NEB: variants seen among roughly 807,000 people sequenced by gnomAD.
The protein encoded by NEB is nebulin.
A neutral mutation model predicts 952.2 loss-of-function variants in NEB; 512 were observed. The observed-to-expected ratio is 0.54, with a 90% CI of 0.50 to 0.58. The LOEUF is 0.58. NEB is among the 20% of genes least tolerant of loss of function. The probability of loss-of-function intolerance (pLI) is 0.00; values close to 1 mark genes in which losing one functional copy is unlikely to be tolerated. For synonymous variants in NEB, 2,900 were observed against 3,149.8 expected, an observed-to-expected ratio of 0.92 and a Z score of 2.66; for missense variants, 8,428 against 9,231.1, an observed-to-expected ratio of 0.91 and a Z score of 3.56.
rs1463146103 is a variant in NEB, at chr2:151,656,332, A to G, written c.6316T>C (p.Tyr2106His). ...TGGTAGCTGGTCTTTGTGTTCTCAT[A>G]GTTTTTCTTGTACTCCCGATCAGAT... ...MQSDREYKKN[Y>H]ENTKTSYHTP... The change falls in exon 49 of 182, where the codon TAT (tyrosine) becomes CAT (histidine). Residue 2106 changes from tyrosine to histidine, a missense_variant. Physicochemically the swap from Tyr to His is moderately conservative, Grantham distance 83. This residue lies in a region of NEB where 2,851 missense variants were observed against 2,791.5 expected (regional missense o/e 1.02). Transcript: ENST00000397345. The G allele has an allele frequency of 2.5e-6, 4 of 1,613,570 alleles. No individual in the cohort carries two copies. Among genetic ancestry groups the G allele is most frequent in the Non-Finnish European group, 3.4e-6 (4 of 1,179,708 alleles).
intron 135 of NEB, among the ~76,000 whole-genome samples, chr2:151,544,439 C>T: frequency 6.6e-6 from 1 of 151,950 alleles, no homozygotes; most frequent in Non-Finnish European, 1.5e-5. Context: ...GTATAGATGC[C>T]CAGACACGGA....
chr2:151,578,854 G>C (rs970606179), intron 105 of NEB, among the ~76,000 whole-genome samples: 2 of 151,960 alleles, frequency 1.3e-5, no homozygotes, highest in Admixed American at 1.3e-4. Context: ...GGCTGAGACG[G>C]GTGGATCACC....
intron 166 of NEB, 183 bp downstream of exon 166, chr2:151,503,166 G>A: frequency 1.7e-6 from 1 of 601,554 alleles, no homozygotes. Context: ...CACTGAAAAT[G>A]TTCAAGTATA....
chr2:151,572,871 TAA>T (rs543483258), intron 107 of NEB, among the ~76,000 whole-genome samples: 44 of 86,558 alleles, frequency 5.1e-4, no homozygotes, highest in Admixed American at 5.0e-4. Context: ...TATTTTTAAC[TAA>T]AAAAAAAAAA....
chr2:151,692,126 T>C lies in NEB; in HGVS notation c.2039A>G (p.His680Arg), dbSNP rs2099556089. The change falls in exon 22 of 182, where the codon CAT becomes CGT. Residue 680 changes from histidine (H) to arginine (R), a missense_variant. By Grantham distance (29) the His-to-Arg change is conservative. Transcript: ENST00000397345. ...TGGGTCCTCCATGCTGCCTACATAA[T>C]GTCCCAAAACATCCTTTACATATAA... The part of the protein sequence containing the change: ...KDLYVKDVLG[H>R]YVGSMEDPYH... The C allele has an allele frequency of 6.2e-7, 1 of 1,613,994 alleles. No individual in the cohort carries two copies.
rs115607882 is a variant in NEB, at chr2:151,717,214, A to G, written c.822+202T>C. Among the ~76,000 whole-genome samples, 1,433 of 152,348 alleles carry G rather than the reference A, an allele frequency of 9.4e-3. 19 individuals are homozygous for G. Among genetic ancestry groups the G allele is most frequent in the Non-Finnish European group, 0.012 (841 of 68,036 alleles). On this transcript the variant is annotated intron_variant, in intron 10 of 181. Transcript: ENST00000397345. ...CACATTTATCAATTACTGAGTCATC[A>G]AGCTGGCTAAACATTTATTAACACA...
At chr2:151,533,208 GA>G (rs1417273828) in intron 143 of NEB, among the ~76,000 whole-genome samples, 1 of 152,180 alleles carries the variant, frequency 6.6e-6, no homozygotes, top group Non-Finnish European at 1.5e-5. Context: ...ACACTTGAAA[GA>G]ATCAGTTAAT....
chr2:151,554,692 GT>G (rs1350056471), intron 125 of NEB, among the ~76,000 whole-genome samples: 2 of 152,210 alleles, frequency 1.3e-5, no homozygotes, highest in Non-Finnish European at 2.9e-5. Flanking sequence ...ATAATGCTGA[GT>G]TTTTACTGTA....
At chr2:151,563,354 C>T (rs896564286) in intron 119 of NEB, among the ~76,000 whole-genome samples, 1 of 152,056 alleles carries the variant, frequency 6.6e-6, no homozygotes, top group Non-Finnish European at 1.5e-5. Context: ...TAAATAGTGA[C>T]CTTGATGCTT....
intron 36 of NEB, among the ~76,000 whole-genome samples, chr2:151,673,358 T>A (rs1291227857): frequency 6.6e-6 from 1 of 151,872 alleles, no homozygotes; most frequent in Non-Finnish European, 1.5e-5. Context: ...ATTTAAGCCT[T>A]AATTCATAAA....
In NEB at chr2:151,562,144, A is replaced by C; in HGVS notation, c.18962T>G (p.Leu6321Arg). The C allele has an allele frequency of 6.2e-7, 1 of 1,613,598 alleles. No individual in the cohort carries two copies. Among genetic ancestry groups the C allele is most frequent in the Non-Finnish European group, 8.5e-7 (1 of 1,179,602 alleles). ...AAGGTCGTATGATTTCTTGGCATGGAGGATTTGGGGTGTATCCCAAACGTA... is the reference window on the plus strand; with the variant it reads ...AAGGTCGTATGATTTCTTGGCATGGCGGATTTGGGGTGTATCCCAAACGTA... Reference protein sequence around the residue: ...GCYVWDTPQILHAKKSYDLQS... With the variant: ...GCYVWDTPQIRHAKKSYDLQS... The change falls in exon 121 of 182, where the codon CTC becomes CGC. Residue 6321 changes from leucine (L) to arginine (R), a missense_variant. Leu to Arg is a moderately radical substitution (Grantham distance 102). Coordinates refer to ENST00000397345, the MANE Select transcript of NEB (RefSeq NM_001164508.2).
chr2:151,542,953 C>T (rs1214740960), intron 135 of NEB, among the ~76,000 whole-genome samples: 2 of 152,164 alleles, frequency 1.3e-5, no homozygotes, highest in African/African-American at 4.8e-5. Flanking sequence ...GTAAACTAGT[C>T]CCAGTTACTG....
At chr2:151,685,508 G>A (rs148761280) in intron 27 of NEB, among the ~76,000 whole-genome samples, 34 of 152,186 alleles carry the variant, frequency 2.2e-4, no homozygotes, top group African/African-American at 8.2e-4. Context: ...GAATCTCAAA[G>A]GTTGTTTTCA....
At chr2:151,627,328 A>C in intron 69 of NEB, 123 bp from the exon 70 acceptor site, 1 of 1,374,634 alleles carries the variant, frequency 7.3e-7, no homozygotes, top group East Asian at 2.4e-5. Flanking sequence ...TCAATATATG[A>C]AGGCCAAATT....
chr2:151,557,525 G>A (rs564174822), intron 124 of NEB, among the ~76,000 whole-genome samples: 5 of 152,166 alleles, frequency 3.3e-5, no homozygotes, highest in South Asian at 2.1e-4. Context: ...TTATGAGGCC[G>A]GCATCATCCT....
At chr2:151,724,218 AT>A (rs779517943) in intron 8 of NEB, 41 bp downstream of exon 8, 61 of 1,411,272 alleles carry the variant, frequency 4.3e-5, no homozygotes, top group Non-Finnish European at 6.0e-5. Flanking sequence ...ATATGATGGG[AT>A]GACATAGGAA....
At chr2:151,730,185 G>A (rs1001519714) in intron 3 of NEB, among the ~76,000 whole-genome samples, 1 of 152,200 alleles carries the variant, frequency 6.6e-6, no homozygotes, top group African/African-American at 2.4e-5. Context: ...CTCCTGATTA[G>A]TAAGTAATAA....
At chr2:151,510,499 A>T (rs2073312046) in intron 161 of NEB, among the ~76,000 whole-genome samples, 1 of 152,242 alleles carries the variant, frequency 6.6e-6, no homozygotes, top group South Asian at 2.1e-4. Context: ...GTCCCCACTT[A>T]TCTGAGGTTT....
intron 105 of NEB, among the ~76,000 whole-genome samples, chr2:151,577,923 G>A (rs1167745344): frequency 2.0e-5 from 3 of 152,092 alleles, no homozygotes; most frequent in South Asian, 2.1e-4. Flanking sequence ...GGTATCTTTA[G>A]TGCTTAGCAC....
Sources: allele counts gnomAD v4.1 joint callset (sites outside exome capture counted in the v4.1 genomes callset), GRCh38; gene constraint gnomAD v4.1.1; regional missense constraint gnomAD v4.1.1; transcripts MANE v1.5; gene names NCBI Gene and HGNC (gene_info 2026-07-23, HGNC 2026-07-21).